UQCC2: variants seen among roughly 807,000 people sequenced by gnomAD.
UQCC2 encodes the protein ubiquinol-cytochrome c reductase complex assembly factor 2.
A neutral mutation model predicts 19.9 loss-of-function variants in UQCC2; 21 were observed. That is an observed-to-expected ratio of 1.05 (90% CI 0.75 to 1.52). The LOEUF is 1.52. UQCC2 is among the 40% of genes most tolerant of loss of function. The pLI, the probability that UQCC2 is intolerant of heterozygous loss-of-function variation, is 0.00. For synonymous variants in UQCC2, 57 were observed against 60.9 expected, an observed-to-expected ratio of 0.94 and a Z score of 0.30; for missense variants, 135 against 157.5, an observed-to-expected ratio of 0.86 and a Z score of 0.76.
intron 3 of UQCC2, among the ~76,000 whole-genome samples, chr6:33,699,571 G>T (rs1765613890): frequency 6.6e-6 from 1 of 152,200 alleles, no homozygotes. Flanking sequence ...AAGTGATTCT[G>T]CCTGGCCAAA....
chr6:33,697,627 G>A lies in UQCC2; in HGVS notation c.*26C>T. On this transcript the variant is annotated 3_prime_UTR_variant, in exon 4 of 4. Coordinates refer to ENST00000607484, the MANE Select transcript of UQCC2 (RefSeq NM_032340.4). Reference sequence around the variant, plus strand: ...GCAATGTACAAGACTCCACACCTAGGTATGTGCACGAGGTAAGGCCTGAGC... The same window carrying A: ...GCAATGTACAAGACTCCACACCTAGATATGTGCACGAGGTAAGGCCTGAGC... The A allele has an allele frequency of 1.3e-6, 2 of 1,550,826 alleles. No homozygotes were observed. Among genetic ancestry groups the A allele is most frequent in the South Asian group, 1.1e-5 (1 of 87,000 alleles).
At chr6:33,711,471 C>T in intron 1 of UQCC2, 78 bp downstream of exon 1, 1 of 1,502,230 alleles carries the variant, frequency 6.7e-7, no homozygotes, top group Non-Finnish European at 8.9e-7. Flanking sequence ...GCGCAGATCC[C>T]CCTGCTAGCG....
Position 33,710,545 on chromosome 6 carries a change from C to T in UQCC2, c.138+1004G>A, listed in dbSNP as rs562237476. Among the ~76,000 whole-genome samples the T allele has an allele frequency of 6.4e-4, 97 of 152,338 alleles. 1 individual carries two copies. The highest frequency in any genetic ancestry group is 2.3e-3 in the African/African-American group (94 of 41,570). ...TGTGCAGTGTCTGGAATGTCCTTCC[C>T]GCCAAGTGTACATGGCTGGCTCATC... On this transcript the variant is annotated intron_variant, in intron 1 of 3. Coordinates refer to ENST00000607484, the MANE Select transcript of UQCC2 (RefSeq NM_032340.4).
chr6:33,706,529 G>GAGACCC (rs1483929506), intron 1 of UQCC2, among the ~76,000 whole-genome samples: 1 of 152,346 alleles, frequency 6.6e-6, no homozygotes, highest in East Asian at 1.9e-4. Context: ...GCCGCTGCAC[G>GAGACCC]AGACCCGAGG....
chr6:33,700,079 G>A (rs1406792599), intron 3 of UQCC2, among the ~76,000 whole-genome samples: 1 of 152,072 alleles, frequency 6.6e-6, no homozygotes. Flanking sequence ...TTATTGAATG[G>A]TTTTTTGTTT....
At position 33,711,588 on chromosome 6, in the gene UQCC2, C is replaced by T. The variant is rs1765773463; in HGVS notation, c.99G>A (p.Gln33=). ...RGRDLGAYLR[Q]RVAQAFREGE... The stretch of plus-strand genomic sequence containing the variant: ...CCTCCCGAAAGGCCTGTGCTACCCG[C>T]TGTCGCAGGTAAGCGCCCAAGTCCC... The change falls in exon 1 of 4, where the codon CAG becomes CAA. Residue 33 remains glutamine, a synonymous_variant. Transcript: ENST00000607484. 6.2e-7 allele frequency: 1 copy of T among 1,613,976 alleles called. No individual in the cohort carries two copies. Among genetic ancestry groups the T allele is most frequent in the Non-Finnish European group, 8.5e-7 (1 of 1,179,922 alleles).
intron 1 of UQCC2, among the ~76,000 whole-genome samples, chr6:33,704,063 G>C (rs540945004): frequency 6.6e-6 from 1 of 152,328 alleles, no homozygotes; most frequent in South Asian, 2.1e-4. Context: ...GTCCCCGGTG[G>C]TGTGAGGATA....
chr6:33,697,688 C>A lies in UQCC2; in HGVS notation c.346G>T (p.Ala116Ser), dbSNP rs748448175. ...GMWKKLQEKFAPKGPEEDHKA is the reference protein window; with the variant it reads ...GMWKKLQEKFSPKGPEEDHKA ...TGATCCTCCTCAGGACCCTTGGGGG[C>A]AAACTTCTCCTGCAGTTTCTTCCAC... Residue 116 changes from alanine (A) to serine (S), a missense_variant, in exon 4 of 4, where the codon GCC (alanine) becomes TCC (serine). Transcript: ENST00000607484. The A allele has an allele frequency of 2.5e-6, 4 of 1,614,064 alleles. No homozygotes were observed. The highest frequency in any genetic ancestry group is 3.4e-6 in the Non-Finnish European group (4 of 1,180,002).
chr6:33,704,189 G>A (rs1765672558), intron 1 of UQCC2, among the ~76,000 whole-genome samples: 1 of 152,108 alleles, frequency 6.6e-6, no homozygotes. Flanking sequence ...ACAGGCCCCT[G>A]TCTCATAAAA....
At chr6:33,697,825 T>C (rs1467180826) in intron 3 of UQCC2, 75 bp from the exon 4 acceptor site, 5 of 1,210,000 alleles carry the variant, frequency 4.1e-6, no homozygotes, top group Non-Finnish European at 5.9e-6. Flanking sequence ...CCCACTGGGC[T>C]TTCCCGACAC....
rs1765566243 is a variant in UQCC2, at chr6:33,696,907, G to C, written c.*746C>G. The C allele has an allele frequency of 6.6e-6, 1 of 152,346 alleles. No homozygotes were observed. Among genetic ancestry groups the C allele is most frequent in the Non-Finnish European group, 1.5e-5 (1 of 68,112 alleles). The allele number at this position is 152,346 out of a possible 1,614,324, so 9.4% of individuals were successfully genotyped here. A position where few individuals can be genotyped will look rare whatever the true frequency, so the allele number is the denominator to read the frequency against. The stretch of plus-strand genomic sequence containing the variant: ...CAGCCCTGTCCCTCACGGTTCCAGA[G>C]AGAAGGATGCTCAATATCAGTAAGA... On this transcript the variant is annotated 3_prime_UTR_variant, in exon 4 of 4. Transcript: ENST00000607484.
At chr6:33,700,126 G>A (rs1765622210) in intron 3 of UQCC2, among the ~76,000 whole-genome samples, 1 of 152,150 alleles carries the variant, frequency 6.6e-6, no homozygotes, top group African/African-American at 2.4e-5. Context: ...GCCCTCTTAA[G>A]ACCATAAAAA....
At chr6:33,709,188 T>C (rs1183257558) in intron 1 of UQCC2, among the ~76,000 whole-genome samples, 1 of 152,228 alleles carries the variant, frequency 6.6e-6, no homozygotes, top group Non-Finnish European at 1.5e-5. Flanking sequence ...TGTAAGCTCC[T>C]CAGTGGTGAA....
At chr6:33,699,633 G>A (rs1765615076) in intron 3 of UQCC2, among the ~76,000 whole-genome samples, 1 of 152,208 alleles carries the variant, frequency 6.6e-6, no homozygotes, top group Admixed American at 6.5e-5. Flanking sequence ...TAGGGTTAGA[G>A]TTGACATGTA....
intron 1 of UQCC2, among the ~76,000 whole-genome samples, chr6:33,702,031 G>T (rs1561889717): frequency 2.6e-5 from 4 of 152,044 alleles, no homozygotes; most frequent in African/African-American, 9.7e-5. Flanking sequence ...TTTTGAGACA[G>T]TCTCTCACTC....
chr6:33,711,590 G>A lies in UQCC2; in HGVS notation c.97C>T (p.Gln33Ter). ...TCCCGAAAGGCCTGTGCTACCCGCT[G>A]TCGCAGGTAAGCGCCCAAGTCCCGG... The part of the protein sequence containing the change: ...RGRDLGAYLR[Q>*]RVAQAFREGE... The change falls in exon 1 of 4, where the codon CAG (glutamine) becomes TAG (stop). Residue 33 changes from glutamine (Q) to a stop codon, truncating the protein, a stop_gained. Transcript: ENST00000607484. LOFTEE classifies it high-confidence loss of function. 6.2e-7 allele frequency: 1 copy of A among 1,613,958 alleles called. No homozygotes were observed. The highest frequency in any genetic ancestry group is 8.5e-7 in the Non-Finnish European group (1 of 1,179,924).
chr6:33,711,654 C>G lies in UQCC2; in HGVS notation c.33G>C (p.Lys11Asn). MAASRYRRFL[K>N]LCEEWPVDET... ...CGTCCACTGGCCATTCCTCACAGAG[C>G]TTAAGAAAACGCCGGTACCGGCTGG... The change falls in exon 1 of 4, where the codon AAG becomes AAC. Residue 11 changes from lysine to asparagine, a missense_variant. Coordinates refer to ENST00000607484, the MANE Select transcript of UQCC2 (RefSeq NM_032340.4). 6.2e-7 allele frequency: 1 copy of G among 1,612,994 alleles called. No homozygotes were observed. Among genetic ancestry groups the G allele is most frequent in the Non-Finnish European group, 8.5e-7 (1 of 1,179,586 alleles).
rs1439649320 is a variant in UQCC2, at chr6:33,696,970, T to C, written c.*683A>G. The C allele has an allele frequency of 6.6e-6, 1 of 152,326 alleles. No individual in the cohort carries two copies. Among genetic ancestry groups the C allele is most frequent in the Non-Finnish European group, 1.5e-5 (1 of 68,092 alleles). 9.4% of individuals were successfully genotyped at this position (152,326 alleles called of 1,614,324 possible). A position where few individuals can be genotyped will look rare whatever the true frequency, so the allele number is the denominator to read the frequency against. On this transcript the variant is annotated 3_prime_UTR_variant, in exon 4 of 4. Transcript: ENST00000607484. Reference sequence around the variant, plus strand: ...TGGAATAATGAGGTGACCCTGTGTGTGTCCTCAGCCAGCAGGGCCTCTGAC... The same window carrying C: ...TGGAATAATGAGGTGACCCTGTGTGCGTCCTCAGCCAGCAGGGCCTCTGAC...
Position 33,700,463 on chromosome 6 carries a change from G to A in UQCC2, c.264C>T (p.Tyr88=), listed in dbSNP as rs1765625494. The change falls in exon 3 of 4, where the codon TAC becomes TAT. Residue 88 remains tyrosine, a synonymous_variant. Coordinates refer to ENST00000607484, the MANE Select transcript of UQCC2 (RefSeq NM_032340.4). The part of the protein sequence containing the change: ...TSFSGLSLEE[Y]KLILSTDTLE... The stretch of plus-strand genomic sequence containing the variant: ...CATTACCTGTGGACAGGATCAGCTT[G>A]TACTCTTCCAACGACAGGCCACTGA... The A allele has an allele frequency of 6.2e-7, 1 of 1,614,086 alleles. No individual in the cohort carries two copies. The highest frequency in any genetic ancestry group is 1.7e-5 in the Admixed American group (1 of 60,004).
Sources: allele counts gnomAD v4.1 joint callset (sites outside exome capture counted in the v4.1 genomes callset), GRCh38; gene constraint gnomAD v4.1.1; transcripts MANE v1.5; gene names NCBI Gene and HGNC (gene_info 2026-07-23, HGNC 2026-07-21).